YTHDC2: variants seen among roughly 807,000 people sequenced by gnomAD.
YTHDC2 encodes the protein 3'-5' RNA helicase YTHDC2.
In YTHDC2, 45 loss-of-function variants were observed where a neutral mutation model predicts 174.9. That is an observed-to-expected ratio of 0.26 (90% confidence interval 0.20 to 0.33). The LOEUF (loss-of-function observed/expected upper bound fraction) is 0.33. Ranked by LOEUF, YTHDC2 falls within the 10% of genes least tolerant of loss-of-function variation. YTHDC2 has a pLI of 1.00. For synonymous variants in YTHDC2, 657 were observed against 574.5 expected (o/e 1.14, Z -2.05); for missense variants, 1,650 against 1,723.7 (o/e 0.96, Z 0.76).
chr5:113,515,114 A>C (rs1450199833), intron 1 of YTHDC2, among the ~76,000 whole-genome samples, 158 bp from the exon 2 acceptor site: 1 of 152,164 alleles, frequency 6.6e-6, no homozygotes, highest in Admixed American at 6.5e-5. Context: ...AATTTTATTA[A>C]TTTACATAAA....
At chr5:113,538,013 G>A (rs189220180) in intron 7 of YTHDC2, among the ~76,000 whole-genome samples, 4 of 151,964 alleles carry the variant, frequency 2.6e-5, no homozygotes, top group Non-Finnish European at 5.9e-5. Flanking sequence ...TTCTTTTCAG[G>A]TTTCTTTGTT....
At chr5:113,562,934 C>A (rs1244382930) in intron 18 of YTHDC2, among the ~76,000 whole-genome samples, 2 of 152,138 alleles carry the variant, frequency 1.3e-5, no homozygotes, top group Non-Finnish European at 1.5e-5. Flanking sequence ...AGTGTAAACT[C>A]AATGAGAATG....
rs1776040226 is a variant in YTHDC2, at chr5:113,548,580, T to C, written c.1535T>C (p.Met512Thr). 1 of 1,613,200 alleles carries C rather than the reference T, an allele frequency of 6.2e-7. No individual in the cohort carries two copies. Among genetic ancestry groups the C allele is most frequent in the South Asian group, 1.1e-5 (1 of 90,988 alleles). Residue 512 changes from methionine (M) to threonine (T), a missense_variant, in exon 11 of 30, where the codon ATG becomes ACG. This residue lies in a region of YTHDC2 where 411 missense variants were observed against 380.6 expected (regional missense o/e 1.08). Coordinates refer to ENST00000161863, the MANE Select transcript of YTHDC2 (RefSeq NM_022828.5). Reference sequence around the variant, plus strand: ...AGTGAAACCAGTGCAACAGCTCTGATGGTTGCTGCAGGACGTGGCTTTGCA... The same window carrying C: ...AGTGAAACCAGTGCAACAGCTCTGACGGTTGCTGCAGGACGTGGCTTTGCA... ...RHSETSATAL[M>T]VAAGRGFASQ...
intron 7 of YTHDC2, among the ~76,000 whole-genome samples, chr5:113,536,184 G>A (rs1396710607): frequency 1.3e-5 from 2 of 152,078 alleles, no homozygotes; most frequent in Non-Finnish European, 2.9e-5. Flanking sequence ...TATTAAAAAC[G>A]GATTTTGCCA....
chr5:113,554,840 A>G (rs1364218645), intron 16 of YTHDC2, among the ~76,000 whole-genome samples: 1 of 152,044 alleles, frequency 6.6e-6, no homozygotes, highest in Non-Finnish European at 1.5e-5. Context: ...GAAAAAATGA[A>G]AGTGGTAAAG....
chr5:113,592,976 G>A (rs1779085752), intron 28 of YTHDC2: 1 of 175,606 alleles, frequency 5.7e-6, no homozygotes, highest in Non-Finnish European at 1.2e-5. Context: ...GGAAGTTCCA[G>A]CTGAGTGCTT....
chr5:113,556,048 A>G lies in YTHDC2; in HGVS notation c.2134-4A>G, dbSNP rs1376028759. ...CTAACATAAAGATGGTTTAAATATT[A>G]CAGAAATCCTTTGATGCTCTGAATT... On this transcript the variant is annotated splice_region_variant and splice_polypyrimidine_tract_variant and intron_variant, in intron 16 of 29. Transcript: ENST00000161863. The G allele has an allele frequency of 1.3e-6, 2 of 1,561,238 alleles. No homozygotes were observed. The highest frequency in any genetic ancestry group is 1.8e-6 in the Non-Finnish European group (2 of 1,134,558).
chr5:113,576,202 A>G (rs772708304), intron 23 of YTHDC2, among the ~76,000 whole-genome samples: 1 of 152,138 alleles, frequency 6.6e-6, no homozygotes, highest in African/African-American at 2.4e-5. Context: ...TGTAAATGAT[A>G]TTTATAGACA....
In YTHDC2 at chr5:113,593,387, T is replaced by G; in HGVS notation, c.*4T>G. The G allele has an allele frequency of 6.2e-7, 1 of 1,610,266 alleles. No individual in the cohort carries two copies. Among genetic ancestry groups the G allele is most frequent in the Non-Finnish European group, 8.5e-7 (1 of 1,177,054 alleles). On this transcript the variant is annotated 3_prime_UTR_variant, in exon 29 of 30. Coordinates refer to ENST00000161863, the MANE Select transcript of YTHDC2 (RefSeq NM_022828.5). Reference sequence around the variant, plus strand: ...AGAAAAAAACACAACTGATTGACACTCAGGTTATACCATCTTGACTTTGAG... The same window carrying G: ...AGAAAAAAACACAACTGATTGACACGCAGGTTATACCATCTTGACTTTGAG...
chr5:113,581,034 C>T (rs1778373360), intron 24 of YTHDC2, among the ~76,000 whole-genome samples: 2 of 152,134 alleles, frequency 1.3e-5, no homozygotes, highest in African/African-American at 4.8e-5. Flanking sequence ...GTTTAGAGCT[C>T]TGTCTTAGAC....
Position 113,548,531 on chromosome 5 carries a change from CT to C in YTHDC2, c.1496-3del. The C allele has an allele frequency of 5.1e-6, 8 of 1,570,432 alleles. No homozygotes were observed. Among genetic ancestry groups the C allele is most frequent in the Admixed American group, 4.2e-5 (2 of 47,928 alleles). ...AAATTTAAGTTTTATTTATCTTTTC[CT>C]TTTTTTAGTTGATTACAGACATAGT... On this transcript the variant is annotated splice_polypyrimidine_tract_variant and intron_variant, in intron 10 of 29. Transcript: ENST00000161863.
intron 24 of YTHDC2, 71 bp from the exon 25 acceptor site, chr5:113,581,346 G>C: frequency 7.4e-7 from 1 of 1,350,720 alleles, no homozygotes; most frequent in Non-Finnish European, 9.7e-7. Context: ...CAAACTAATG[G>C]AAACTAATCA....
chr5:113,514,754 A>G (rs935919974), intron 1 of YTHDC2, among the ~76,000 whole-genome samples: 4 of 152,162 alleles, frequency 2.6e-5, no homozygotes, highest in Non-Finnish European at 5.9e-5. Flanking sequence ...AATTCACATT[A>G]AAAAAAGAGA....
At chr5:113,591,002 G>GCC (rs1778974121) in intron 26 of YTHDC2, 39 bp from the exon 27 acceptor site, 1 of 1,578,794 alleles carries the variant, frequency 6.3e-7, no homozygotes, top group East Asian at 2.3e-5. Flanking sequence ...GTTTTGAAAG[G>GCC]TCAGGTTACC....
At chr5:113,552,686 A>G (rs1285115540) in intron 12 of YTHDC2, among the ~76,000 whole-genome samples, 1 of 152,082 alleles carries the variant, frequency 6.6e-6, no homozygotes, top group African/African-American at 2.4e-5. Context: ...TAGGAGTGGA[A>G]TTGCTGGGGC....
rs1050340018 is a variant in YTHDC2, at chr5:113,564,034, C to T, written c.2618C>T (p.Pro873Leu). 7 of 1,614,100 alleles carry T rather than the reference C, an allele frequency of 4.3e-6. No individual in the cohort carries two copies. Among genetic ancestry groups the T allele is most frequent in the Non-Finnish European group, 5.9e-6 (7 of 1,180,002 alleles). Reference protein sequence around the residue: ...TLAYRDPFVLPTQASQKRAAM... With the variant: ...TLAYRDPFVLLTQASQKRAAM... Reference sequence around the variant, plus strand: ...GCTTATCGAGATCCTTTTGTACTACCTACTCAGGCCTCTCAAAAACGTGCA... The same window carrying T: ...GCTTATCGAGATCCTTTTGTACTACTTACTCAGGCCTCTCAAAAACGTGCA... The change falls in exon 20 of 30, where the codon CCT becomes CTT. Residue 873 changes from proline (P) to leucine (L), a missense_variant. By Grantham distance (98) the Pro-to-Leu change is moderately conservative. Transcript: ENST00000161863.
At chr5:113,524,678 TG>T (rs1436332534) in intron 2 of YTHDC2, among the ~76,000 whole-genome samples, 2 of 152,144 alleles carry the variant, frequency 1.3e-5, no homozygotes, top group African/African-American at 4.8e-5. Context: ...TCATATTAAC[TG>T]GTGATGTTTC....
intron 2 of YTHDC2, among the ~76,000 whole-genome samples, chr5:113,515,645 A>T (rs1386052345): frequency 6.6e-6 from 1 of 152,216 alleles, no homozygotes. Flanking sequence ...AATTAGACTG[A>T]TAAAAGACAT....
Position 113,591,075 on chromosome 5 carries a change from C to T in YTHDC2, c.3860C>T (p.Pro1287Leu). ...TCTCCTTCGCCAAGACCAAACATGCCTGTTCGATACTTCATAATGAAGAGT... is the reference window on the plus strand; with the variant it reads ...TCTCCTTCGCCAAGACCAAACATGCTTGTTCGATACTTCATAATGAAGAGT... ...SKSPSPRPNM[P>L]VRYFIMKSSN... is the part of the protein sequence containing the mutation. Residue 1287 changes from proline to leucine, a missense_variant, in exon 27 of 30, where the codon CCT becomes CTT. Physicochemically the swap from Pro to Leu is moderately conservative, Grantham distance 98. Transcript: ENST00000161863. 6.2e-7 allele frequency: 1 copy of T among 1,613,886 alleles called. No homozygotes were observed. Among genetic ancestry groups the T allele is most frequent in the Middle Eastern group, 1.7e-4 (1 of 6,054 alleles).
Sources: allele counts gnomAD v4.1 joint callset (sites outside exome capture counted in the v4.1 genomes callset), GRCh38; gene constraint gnomAD v4.1.1; regional missense constraint gnomAD v4.1.1; transcripts MANE v1.5; gene names NCBI Gene and HGNC (gene_info 2026-07-23, HGNC 2026-07-21).